The following CDH13 variants were observed in gnomAD, a reference collection of about 807,000 sequenced individuals.
The protein encoded by CDH13 is cadherin-13.
In CDH13, 24 loss-of-function variants were observed where a neutral mutation model predicts 63.8. The observed-to-expected ratio is 0.38, with a 90% CI of 0.27 to 0.53. The LOEUF (loss-of-function observed/expected upper bound fraction) is 0.53. Ranked by LOEUF, CDH13 falls within the 20% of genes least tolerant of loss-of-function variation. CDH13 has a pLI of 0.85. For synonymous variants in CDH13, 503 were observed against 355.3 expected (o/e 1.42, Z -4.67); for missense variants, 1,049 against 903.1 (o/e 1.16, Z -2.07).
At chr16:83,503,553 C>G (rs1318286801) in intron 7 of CDH13, among the ~76,000 whole-genome samples, 1 of 152,180 alleles carries the variant, frequency 6.6e-6, no homozygotes, top group East Asian at 1.9e-4. Flanking sequence ...ACCTCCATTC[C>G]TTTTCCTGGG....
chr16:83,557,442 A>C (rs1215260161), intron 7 of CDH13, among the ~76,000 whole-genome samples: 2 of 152,170 alleles, frequency 1.3e-5, no homozygotes, highest in Non-Finnish European at 2.9e-5. Flanking sequence ...CTCATGCTGA[A>C]AAGGTTGGGG....
chr16:83,446,499 C>T (rs763719011), intron 6 of CDH13, among the ~76,000 whole-genome samples: 6 of 152,000 alleles, frequency 3.9e-5, no homozygotes, highest in South Asian at 2.1e-4. Flanking sequence ...TATTCCCAGC[C>T]GCAGAGAAGA....
At chr16:83,431,934 G>GAAA (rs2072124621) in intron 6 of CDH13, among the ~76,000 whole-genome samples, 1 of 152,156 alleles carries the variant, frequency 6.6e-6, no homozygotes, top group Non-Finnish European at 1.5e-5. Context: ...GATACATACG[G>GAAA]CCATTGGCAG....
chr16:82,928,297 G>A (rs2042369847), intron 2 of CDH13, among the ~76,000 whole-genome samples: 1 of 152,206 alleles, frequency 6.6e-6, no homozygotes, highest in East Asian at 1.9e-4. Flanking sequence ...CATCCAGGTT[G>A]CCTCTAGGTT....
intron 6 of CDH13, chr16:83,396,625 A>T (rs1441202584): frequency 6.6e-6 from 1 of 151,642 alleles, no homozygotes; most frequent in Admixed American, 6.5e-5. Flanking sequence ...CCCACCAGCA[A>T]GATGAAGGTA....
intron 6 of CDH13, among the ~76,000 whole-genome samples, chr16:83,456,919 G>A (rs905299579): frequency 2.6e-5 from 4 of 152,200 alleles, no homozygotes; most frequent in African/African-American, 9.7e-5. Context: ...CTGAGAAGAT[G>A]CCACTGCACT....
In CDH13 at chr16:82,758,970, G is replaced by A. The variant is rs117914512; in HGVS notation, c.46-99392G>A. On this transcript the variant is annotated intron_variant, in intron 1 of 13. Transcript: ENST00000567109. ...TCTGCTAGTCCTTTGGTCCACCTAAGTTCACCTAGTCAAGGTAGACAGTCT... is the reference window on the plus strand; with the variant it reads ...TCTGCTAGTCCTTTGGTCCACCTAAATTCACCTAGTCAAGGTAGACAGTCT... Among the ~76,000 whole-genome samples, 16 of 152,264 alleles carry A rather than the reference G, an allele frequency of 1.1e-4. No homozygotes were observed. The East Asian group carries it at 3.1e-3, about 29-fold the overall frequency.
intron 5 of CDH13, among the ~76,000 whole-genome samples, chr16:83,305,032 A>G (rs2089841124): frequency 6.6e-6 from 1 of 152,206 alleles, no homozygotes; most frequent in Non-Finnish European, 1.5e-5. Context: ...ACAGACCGGG[A>G]AGCTTTGCCA....
chr16:83,618,949 T>C (rs1259561004), intron 8 of CDH13, among the ~76,000 whole-genome samples: 3 of 152,218 alleles, frequency 2.0e-5, no homozygotes, highest in Non-Finnish European at 4.4e-5. Context: ...AACTACTATC[T>C]ATTTCAGTTA....
At chr16:83,787,146 A>C (rs1185001831) in intron 13 of CDH13, among the ~76,000 whole-genome samples, 1 of 152,192 alleles carries the variant, frequency 6.6e-6, no homozygotes, top group Non-Finnish European at 1.5e-5. Flanking sequence ...TTCATATTAT[A>C]TTGGGCATAC....
intron 1 of CDH13, among the ~76,000 whole-genome samples, chr16:82,805,804 C>T (rs1226953941): frequency 6.6e-6 from 1 of 152,114 alleles, no homozygotes; most frequent in Non-Finnish European, 1.5e-5. Flanking sequence ...TGTGCTATAC[C>T]ATATCAGACA....
intron 2 of CDH13, among the ~76,000 whole-genome samples, chr16:82,906,402 G>T (rs2041648985): frequency 6.6e-6 from 1 of 152,124 alleles, no homozygotes; most frequent in East Asian, 1.9e-4. Flanking sequence ...GGCAATTTGT[G>T]CAGGAAACCC....
At chr16:82,904,426 A>G (rs1345099583) in intron 2 of CDH13, among the ~76,000 whole-genome samples, 1 of 152,186 alleles carries the variant, frequency 6.6e-6, no homozygotes, top group Non-Finnish European at 1.5e-5. Context: ...AGTTTTCTCC[A>G]AGACACCCTC....
intron 2 of CDH13, among the ~76,000 whole-genome samples, chr16:82,947,013 T>A (rs1012934466): frequency 2.6e-4 from 38 of 147,644 alleles, no homozygotes; most frequent in Admixed American, 3.4e-4. Flanking sequence ...CCTGTGTGTG[T>A]GTGTGTGTGT....
Position 82,893,154 on chromosome 16 carries a change from C to T in CDH13, c.157+34681C>T, listed in dbSNP as rs79009960. Among the ~76,000 whole-genome samples, 1,143 of 152,270 alleles carry T rather than the reference C, an allele frequency of 7.5e-3. 27 individuals carry two copies. Among genetic ancestry groups the T allele is most frequent in the African/African-American group, 0.027 (1,108 of 41,544 alleles). On this transcript the variant is annotated intron_variant, in intron 2 of 13. Transcript: ENST00000567109. ...GAATGAAAGCAAACAAACAAGCAAA[C>T]CTCAAACAGAGAAACCTCAAAATTA...
intron 6 of CDH13, among the ~76,000 whole-genome samples, chr16:83,422,097 T>C (rs1191715475): frequency 6.6e-6 from 1 of 152,250 alleles, no homozygotes; most frequent in Non-Finnish European, 1.5e-5. Context: ...TGGTAGATTT[T>C]GTGGATTTAT....
rs192606452 is a variant in CDH13, at chr16:83,018,489, A to G, written c.158-13521A>G. ...ATTCAATGCTGGAATTGCTTCCACA[A>G]TATTCCTGATGAAGTCATATAGGTT... On this transcript the variant is annotated intron_variant, in intron 2 of 13. Transcript: ENST00000567109. Among the ~76,000 whole-genome samples, 49 of 151,642 alleles carry G rather than the reference A, an allele frequency of 3.2e-4. No individual in the cohort carries two copies. In the South Asian group the frequency reaches 6.4e-3, roughly 20 times the overall value.
rs747139685 is a variant in CDH13 at position 83,217,359 on chromosome 16, C to A, written c.498C>A (p.Asp166Glu). The A allele has an allele frequency of 3.5e-5, 57 of 1,613,770 alleles. No individual in the cohort carries two copies. The highest frequency in any genetic ancestry group is 4.6e-5 in the Non-Finnish European group (54 of 1,179,866). Residue 166 changes from aspartate (D) to glutamate (E), a missense_variant, in exon 5 of 14, where the codon GAC becomes GAA. By Grantham distance (45) the Asp-to-Glu change is conservative. Coordinates refer to ENST00000567109, the MANE Select transcript of CDH13 (RefSeq NM_001257.5). ...PRDVGKVVDSDRPERSKFRLT... is the reference protein window; with the variant it reads ...PRDVGKVVDSERPERSKFRLT... Reference sequence around the variant, plus strand: ...TTTCTGACTAGGTAGTCGATAGTGACAGGCCAGAAAGGTCCAAGTTCCGGC... The same window carrying A: ...TTTCTGACTAGGTAGTCGATAGTGAAAGGCCAGAAAGGTCCAAGTTCCGGC...
chr16:82,650,934 G>T (rs1215108755), intron 1 of CDH13, among the ~76,000 whole-genome samples: 1 of 152,212 alleles, frequency 6.6e-6, no homozygotes, highest in Non-Finnish European at 1.5e-5. Context: ...TGAAGTTGGG[G>T]TTTGAAATTT....
Sources: allele counts gnomAD v4.1 joint callset (sites outside exome capture counted in the v4.1 genomes callset), GRCh38; gene constraint gnomAD v4.1.1; transcripts MANE v1.5; gene names NCBI Gene and HGNC (gene_info 2026-07-23, HGNC 2026-07-21).